FREM3: variants seen among roughly 807,000 people sequenced by gnomAD.
FREM3 encodes the protein FRAS1 related extracellular matrix 3.
In FREM3, 105 loss-of-function variants were observed where a neutral mutation model predicts 129.1. That is an observed-to-expected ratio of 0.81 (90% CI 0.69 to 0.96). FREM3 has a LOEUF of 0.96. FREM3 is among the 40% of genes least tolerant of loss of function. FREM3 has a pLI of 0.00. For missense variants in FREM3, 2,593 were observed against 2,666.3 expected, an observed-to-expected ratio of 0.97 and a Z score of 0.61; for synonymous variants, 1,014 against 1,044.9, an observed-to-expected ratio of 0.97 and a Z score of 0.57.
chr4:143,609,501 CGT>C (rs1738719966), intron 6 of FREM3, among the ~76,000 whole-genome samples: 1 of 152,060 alleles, frequency 6.6e-6, no homozygotes, highest in Admixed American at 6.6e-5. Flanking sequence ...TCTCCACTTC[CGT>C]AACTTTCCCT....
At chr4:143,628,008 T>C (rs965342751) in intron 2 of FREM3, among the ~76,000 whole-genome samples, 1 of 152,116 alleles carries the variant, frequency 6.6e-6, no homozygotes, top group Non-Finnish European at 1.5e-5. Context: ...CAAAGGGTCT[T>C]GTGCATCAGG....
At chr4:143,662,487 T>C (rs948210394) in intron 2 of FREM3, among the ~76,000 whole-genome samples, 1 of 150,994 alleles carries the variant, frequency 6.6e-6, no homozygotes, top group Non-Finnish European at 1.5e-5. Context: ...TTACATTTGC[T>C]GAGGAGAGCT....
intron 2 of FREM3, among the ~76,000 whole-genome samples, chr4:143,628,504 T>A (rs1739084787): frequency 6.6e-6 from 1 of 152,130 alleles, no homozygotes; most frequent in African/African-American, 2.4e-5. Context: ...AGTAGAAGTC[T>A]TTATGACTGA....
chr4:143,686,158 C>T (rs1230219466), intron 2 of FREM3, among the ~76,000 whole-genome samples: 6 of 152,062 alleles, frequency 3.9e-5, no homozygotes, highest in African/African-American at 7.2e-5. Flanking sequence ...ACACCAAAAG[C>T]GAGCAGGAGT....
At chr4:143,588,595 AG>A (rs1252950424) in intron 6 of FREM3, among the ~76,000 whole-genome samples, 5 of 152,050 alleles carry the variant, frequency 3.3e-5, no homozygotes, top group Non-Finnish European at 2.9e-5. Flanking sequence ...ATGGCTGCAT[AG>A]TACTCCATGG....
Position 143,699,513 on chromosome 4 carries a change from G to A in FREM3, c.1163C>T (p.Ala388Val), listed in dbSNP as rs1282434991. The A allele has an allele frequency of 1.4e-5, 22 of 1,537,280 alleles. No homozygotes were observed. Among genetic ancestry groups the A allele is most frequent in the Non-Finnish European group, 1.7e-5 (20 of 1,146,914 alleles). The change falls in exon 1 of 8, where the codon GCC (alanine) becomes GTC (valine). Residue 388 changes from alanine to valine, a missense_variant. Ala to Val is a moderately conservative substitution (Grantham distance 64). Around this residue, in one of 2 missense-constraint regions of FREM3, gnomAD observed 2,276 missense variants for 2,267.2 expected, o/e 1.00. Coordinates refer to ENST00000329798, the MANE Select transcript of FREM3 (RefSeq NM_001168235.2). The surrounding 1 kb of genome is among the most constrained non-coding windows in gnomAD (Gnocchi z 4.2). Reference sequence around the variant, plus strand: ...GGAGTTCTCTGCAGGGGGCTGATAGGCAATCTTCAGCTCCCTCAGCTCCTG... The same window carrying A: ...GGAGTTCTCTGCAGGGGGCTGATAGACAATCTTCAGCTCCCTCAGCTCCTG... ...TQQELRELKIAYQPPAENSHG... is the reference protein window; with the variant it reads ...TQQELRELKIVYQPPAENSHG...
In FREM3 at chr4:143,698,703, C is replaced by A. The variant is rs190876969; in HGVS notation, c.1973G>T (p.Arg658Leu). Residue 658 changes from arginine (R) to leucine (L), a missense_variant, in exon 1 of 8, where the codon CGC (arginine) becomes CTC (leucine). Transcript: ENST00000329798. ...RDIMEGRLFY[R>L]HLGPHSPQSV... Reference sequence around the variant, plus strand: ...TTGAGGGCTGTGTGGTCCAAGATGGCGGTAGAAGAGTCTCCCTTCCATTAT... The same window carrying A: ...TTGAGGGCTGTGTGGTCCAAGATGGAGGTAGAAGAGTCTCCCTTCCATTAT... 2.9e-5 allele frequency: 45 copies of A among 1,537,310 alleles called. No individual in the cohort carries two copies. The East Asian group carries it at 9.0e-4, about 31-fold the overall frequency.
chr4:143,694,640 TTTG>T lies in FREM3; in HGVS notation c.5185+848_5185+850del, dbSNP rs572935141. On this transcript the variant is annotated intron_variant, in intron 1 of 7. Coordinates refer to ENST00000329798, the MANE Select transcript of FREM3 (RefSeq NM_001168235.2). ...CTGTTGTGATTGCATTCTTTCTTTT[TTTG>T]TTGTTGTTATACTTTAAGTTCTGGG... Among the ~76,000 whole-genome samples, 823 of 152,356 alleles carry T rather than the reference TTTG, an allele frequency of 5.4e-3. 10 individuals carry two copies. The highest frequency in any genetic ancestry group is 0.019 in the African/African-American group (778 of 41,588).
At chr4:143,669,910 C>T (rs1275128881) in intron 2 of FREM3, among the ~76,000 whole-genome samples, 2 of 152,122 alleles carry the variant, frequency 1.3e-5, no homozygotes, top group Non-Finnish European at 2.9e-5. Context: ...GGAAGTTTTT[C>T]AGCCCACGCC....
chr4:143,681,216 T>C (rs993455602), intron 2 of FREM3, among the ~76,000 whole-genome samples: 1 of 152,108 alleles, frequency 6.6e-6, no homozygotes, highest in African/African-American at 2.4e-5. Context: ...ATGATTTTTA[T>C]TCCTTAAGCC....
At chr4:143,682,629 G>A (rs911060947) in intron 2 of FREM3, among the ~76,000 whole-genome samples, 4 of 152,080 alleles carry the variant, frequency 2.6e-5, no homozygotes, top group African/African-American at 9.7e-5. Flanking sequence ...CTTTGCTGGG[G>A]GTTTTGTCCA....
At chr4:143,663,258 A>T (rs1235256431) in intron 2 of FREM3, among the ~76,000 whole-genome samples, 2 of 151,774 alleles carry the variant, frequency 1.3e-5, no homozygotes, top group Non-Finnish European at 2.9e-5. Flanking sequence ...TTCCTTCAGG[A>T]GCTCTTTTAG....
At chr4:143,605,633 T>G (rs1738655939) in intron 6 of FREM3, among the ~76,000 whole-genome samples, 2 of 152,186 alleles carry the variant, frequency 1.3e-5, no homozygotes, top group Non-Finnish European at 2.9e-5. Context: ...GGATATGCAC[T>G]GGATTAATTA....
chr4:143,662,837 A>G (rs1032534519), intron 2 of FREM3, among the ~76,000 whole-genome samples: 7 of 151,910 alleles, frequency 4.6e-5, no homozygotes, highest in Non-Finnish European at 7.4e-5. Context: ...CCATTATGTA[A>G]TGGCCTTCTT....
intron 2 of FREM3, among the ~76,000 whole-genome samples, chr4:143,670,379 C>T (rs1739945245): frequency 6.6e-6 from 1 of 152,042 alleles, no homozygotes; most frequent in Non-Finnish European, 1.5e-5. Context: ...ATATACATGC[C>T]TCATATATTA....
intron 2 of FREM3, among the ~76,000 whole-genome samples, chr4:143,633,664 G>T (rs572718400): frequency 2.0e-5 from 3 of 152,126 alleles, no homozygotes; most frequent in Non-Finnish European, 4.4e-5. Context: ...TAATATTGAT[G>T]CAATGCACAC....
At chr4:143,630,148 A>G (rs1283375741) in intron 2 of FREM3, among the ~76,000 whole-genome samples, 1 of 152,104 alleles carries the variant, frequency 6.6e-6, no homozygotes, top group African/African-American at 2.4e-5. Flanking sequence ...TTCATCTGTA[A>G]ATGTGATAAT....
At chr4:143,637,117 T>C (rs1219919389) in intron 2 of FREM3, among the ~76,000 whole-genome samples, 1 of 152,208 alleles carries the variant, frequency 6.6e-6, no homozygotes, top group African/African-American at 2.4e-5. Context: ...AAACAATACC[T>C]TTACTTAGCA....
chr4:143,595,889 GAAAA>G (rs70953742), intron 6 of FREM3, among the ~76,000 whole-genome samples: 1 of 110,664 alleles, frequency 9.0e-6, no homozygotes, highest in African/African-American at 3.6e-5. Context: ...CGCCATCTCA[GAAAA>G]AAAAAAAAAA....
Sources: allele counts gnomAD v4.1 joint callset (sites outside exome capture counted in the v4.1 genomes callset), GRCh38; gene constraint gnomAD v4.1.1; regional missense constraint gnomAD v4.1.1; non-coding constraint Gnocchi (gnomAD v3.1); transcripts MANE v1.5; gene names NCBI Gene and HGNC (gene_info 2026-07-23, HGNC 2026-07-21).